FGGY: variants seen among roughly 807,000 people sequenced by gnomAD.
The protein encoded by FGGY is FGGY carbohydrate kinase domain containing, also known as FGGY carbohydrate kinase domain-containing protein.
In FGGY, 72 loss-of-function variants were observed where a neutral mutation model predicts 71.3. That is an observed-to-expected ratio of 1.01 (90% CI 0.84 to 1.23). FGGY has a LOEUF of 1.23. Ranked by LOEUF, FGGY falls within the 50% of genes most tolerant of loss-of-function variation. The pLI, the probability that FGGY is intolerant of heterozygous loss-of-function variation, is 0.00. For missense variants in FGGY, 668 were observed against 682.3 expected (o/e 0.98, Z 0.23); for synonymous variants, 251 against 250.3 (o/e 1.00, Z -0.02).
rs190935844 is a variant in FGGY, at chr1:59,624,596, G to A, written c.1012-1392G>A. ...TTTATACAGAAAAAGAGGTGTAATG[G>A]ACCCATAGTTCCACATGGCTGGGGA... On this transcript the variant is annotated intron_variant, in intron 9 of 15. Transcript: ENST00000303721. Among the ~76,000 whole-genome samples the A allele has an allele frequency of 2.7e-3, 413 of 152,256 alleles. 3 individuals carry two copies. The highest frequency in any genetic ancestry group is 9.4e-3 in the African/African-American group (391 of 41,532).
At chr1:59,475,598 C>T (rs964312744) in intron 6 of FGGY, among the ~76,000 whole-genome samples, 1 of 152,184 alleles carries the variant, frequency 6.6e-6, no homozygotes, top group African/African-American at 2.4e-5. Flanking sequence ...ACAATTCTCC[C>T]TGTCATTCAG....
intron 8 of FGGY, among the ~76,000 whole-genome samples, chr1:59,605,509 A>G (rs114456784): frequency 1.1e-3 from 169 of 152,338 alleles, no homozygotes; most frequent in African/African-American, 4.0e-3. Context: ...TAACCAGTAA[A>G]GAAGTAAATG....
At chr1:59,526,064 T>A (rs771887531) in intron 7 of FGGY, among the ~76,000 whole-genome samples, 1 of 152,180 alleles carries the variant, frequency 6.6e-6, no homozygotes, top group Non-Finnish European at 1.5e-5. Flanking sequence ...ATGTGTACAT[T>A]TATGTGTGTG....
At chr1:59,642,968 G>C (rs2097052543) in intron 11 of FGGY, among the ~76,000 whole-genome samples, 1 of 149,726 alleles carries the variant, frequency 6.7e-6, no homozygotes, top group Non-Finnish European at 1.5e-5. Flanking sequence ...CTGGGGGGTG[G>C]AGCTTGCAGT....
intron 11 of FGGY, among the ~76,000 whole-genome samples, chr1:59,647,741 C>CTT (rs578262218): frequency 1.1e-3 from 123 of 111,394 alleles, no homozygotes; most frequent in African/African-American, 1.5e-3. Flanking sequence ...CTGCCACCAT[C>CTT]TTTTTTTTTT....
intron 12 of FGGY, among the ~76,000 whole-genome samples, chr1:59,664,519 GT>G (rs2097306323): frequency 6.6e-6 from 1 of 152,182 alleles, no homozygotes; most frequent in Admixed American, 6.5e-5. Flanking sequence ...AAGCCCCTAG[GT>G]CCCTGGTTTT....
intron 1 of FGGY, among the ~76,000 whole-genome samples, chr1:59,305,072 C>T (rs955334356): frequency 6.6e-6 from 1 of 152,146 alleles, no homozygotes; most frequent in Non-Finnish European, 1.5e-5. Flanking sequence ...TGTAATTGCT[C>T]TAGCTAGGAC....
chr1:59,624,300 G>T (rs1448852968), intron 9 of FGGY, among the ~76,000 whole-genome samples: 1 of 152,102 alleles, frequency 6.6e-6, no homozygotes, highest in African/African-American at 2.4e-5. Context: ...ACCTAGATTT[G>T]TCGTTACTTT....
chr1:59,750,162 C>T (rs556099716), intron 14 of FGGY, among the ~76,000 whole-genome samples: 2 of 152,150 alleles, frequency 1.3e-5, no homozygotes, highest in Non-Finnish European at 2.9e-5. Context: ...GCCCATTTAT[C>T]TCTAAAACCC....
chr1:59,306,029 G>A (rs944076734), intron 1 of FGGY, among the ~76,000 whole-genome samples: 3 of 152,054 alleles, frequency 2.0e-5, no homozygotes, highest in Non-Finnish European at 4.4e-5. Flanking sequence ...CATATCCCAG[G>A]GATTAAACTT....
At chr1:59,416,262 A>G (rs902968794) in intron 5 of FGGY, among the ~76,000 whole-genome samples, 6 of 152,208 alleles carry the variant, frequency 3.9e-5, no homozygotes, top group African/African-American at 7.2e-5. Flanking sequence ...TATTACAATC[A>G]TTTGTGGCCT....
chr1:59,672,056 C>T (rs1437136069), intron 13 of FGGY, among the ~76,000 whole-genome samples: 1 of 152,114 alleles, frequency 6.6e-6, no homozygotes, highest in Non-Finnish European at 1.5e-5. Flanking sequence ...CAAAAACGTC[C>T]CAGGTCCATA....
intron 5 of FGGY, among the ~76,000 whole-genome samples, chr1:59,400,552 T>C (rs1163226107): frequency 1.3e-5 from 2 of 151,892 alleles, no homozygotes; most frequent in Non-Finnish European, 2.9e-5. Flanking sequence ...TTTGTTTTTT[T>C]TTTTTGTATT....
rs374818304 is a variant in FGGY at position 59,392,820 on chromosome 1, C to A, written c.554+13983C>A. Among the ~76,000 whole-genome samples, 396 of 152,196 alleles carry A rather than the reference C, an allele frequency of 2.6e-3. 3 individuals are homozygous for A. The highest frequency in any genetic ancestry group is 8.8e-3 in the African/African-American group (367 of 41,520). On this transcript the variant is annotated intron_variant, in intron 5 of 15. Coordinates refer to ENST00000303721, the MANE Select transcript of FGGY (RefSeq NM_018291.5). ...ATTCTTACATGTTATTAAGAAATTG[C>A]AGTCAGGGAGCCCTCTGTTCCCAGA...
intron 14 of FGGY, among the ~76,000 whole-genome samples, chr1:59,736,785 T>C (rs2098109042): frequency 6.6e-6 from 1 of 152,200 alleles, no homozygotes; most frequent in Non-Finnish European, 1.5e-5. Context: ...CCTCGTTTTC[T>C]GAGGAGGAAG....
chr1:59,716,083 G>T (rs1029787210), intron 14 of FGGY, among the ~76,000 whole-genome samples: 8 of 152,240 alleles, frequency 5.3e-5, no homozygotes, highest in African/African-American at 1.7e-4. Flanking sequence ...TAAGCCAAAG[G>T]TATTAAAACC....
At position 59,438,126 on chromosome 1, in the gene FGGY, G is replaced by C. The variant is rs185373963; in HGVS notation, c.555-18835G>C. Reference sequence around the variant, plus strand: ...TGTGCCAGGAGGTCCTTTGACTACAGTCTATTCCTCACCAAGGCTTTTAGT... The same window carrying C: ...TGTGCCAGGAGGTCCTTTGACTACACTCTATTCCTCACCAAGGCTTTTAGT... On this transcript the variant is annotated intron_variant, in intron 5 of 15. Coordinates refer to ENST00000303721, the MANE Select transcript of FGGY (RefSeq NM_018291.5). Among the ~76,000 whole-genome samples the C allele has an allele frequency of 6.6e-4, 101 of 152,302 alleles. 1 individual carries two copies. The highest frequency in any genetic ancestry group is 2.4e-3 in the African/African-American group (99 of 41,574).
chr1:59,499,768 C>T (rs2094166660), intron 6 of FGGY, among the ~76,000 whole-genome samples: 1 of 152,144 alleles, frequency 6.6e-6, no homozygotes, highest in African/African-American at 2.4e-5. Context: ...GCAGACTTAG[C>T]CTTTCTTCCT....
intron 2 of FGGY, among the ~76,000 whole-genome samples, chr1:59,324,073 C>A (rs1337860168): frequency 1.3e-5 from 2 of 152,066 alleles, no homozygotes; most frequent in African/African-American, 4.8e-5. Context: ...AGCTTCAGAG[C>A]AGTTGTTCTA....
Sources: allele counts gnomAD v4.1 joint callset (sites outside exome capture counted in the v4.1 genomes callset), GRCh38; gene constraint gnomAD v4.1.1; transcripts MANE v1.5; gene names NCBI Gene and HGNC (gene_info 2026-07-23, HGNC 2026-07-21).